Variants in MSH5 observed in about 807,000 individuals in gnomAD.
The protein encoded by MSH5 is mutS homolog 5.
Under a neutral mutation model 107.7 loss-of-function variants are expected in MSH5, and 78 were observed. The ratio of observed to expected loss-of-function variants is 0.72; its 90% confidence interval spans 0.60 to 0.87. The LOEUF is 0.87. Among genes scored for constraint, MSH5 ranks in the 40% least tolerant of loss-of-function variants. MSH5 has a pLI of 0.00. For synonymous variants in MSH5, 326 were observed against 399.5 expected, an observed-to-expected ratio of 0.82 and a Z score of 2.19; for missense variants, 889 against 1,046.6, an observed-to-expected ratio of 0.85 and a Z score of 2.08.
intron 3 of MSH5, among the ~76,000 whole-genome samples, chr6:31,742,327 G>A (rs28381350): frequency 0.017 from 2,599 of 152,172 alleles, 65 homozygotes; most frequent in East Asian, 0.11. Flanking sequence ...GTGCCATCTT[G>A]GCTCACTGCA....
rs758024890 is a variant in MSH5, at chr6:31,758,225, C to G, written c.1075C>G (p.Leu359Val). 1 of 1,613,072 alleles carries G rather than the reference C, an allele frequency of 6.2e-7. No individual in the cohort carries two copies. Among genetic ancestry groups the G allele is most frequent in the South Asian group, 1.1e-5 (1 of 91,088 alleles). Residue 359 changes from leucine (L) to valine (V), a missense_variant, in exon 13 of 25, where the codon CTC becomes GTC. Leu to Val is a conservative substitution (Grantham distance 32). Transcript: ENST00000375750. The surrounding 1 kb of genome is among the most constrained non-coding windows in gnomAD (Gnocchi z 5.1). ...CCGCTCCCTGCCGCAGTCCATCCAG[C>G]TCTTTCGGGACATTGCCCAAGAGTT... is the stretch of plus-strand genomic sequence containing the variant. ...ACRSLPQSIQLFRDIAQEFSD... is the reference protein window; with the variant it reads ...ACRSLPQSIQVFRDIAQEFSD...
In MSH5 at chr6:31,762,104, G is replaced by C. The variant is rs200812499; in HGVS notation, c.2320-8G>C. 4.2e-4 allele frequency: 677 copies of C among 1,613,914 alleles called. 1 individual carries two copies. The highest frequency in any genetic ancestry group is 2.8e-4 in the Non-Finnish European group (334 of 1,180,004). The stretch of plus-strand genomic sequence containing the variant: ...CCTTACTCCTCCCACCTTCTTGCTT[G>C]TTCCTAGGTCTCAGACTTGATCCGC... On this transcript the variant is annotated splice_region_variant and splice_polypyrimidine_tract_variant and intron_variant, in intron 23 of 24. Coordinates refer to ENST00000375750, the MANE Select transcript of MSH5 (RefSeq NM_172166.4).
At chr6:31,757,106 C>G (rs1372200668) in intron 12 of MSH5, 2 of 152,242 alleles carry the variant, frequency 1.3e-5, no homozygotes, top group African/African-American at 4.8e-5. Context: ...CCCTAACATT[C>G]TCCAAGATAG....
intron 12 of MSH5, among the ~76,000 whole-genome samples, chr6:31,755,337 CATTTATTTATTTATTTATTT>C (rs60849631): frequency 6.9e-6 from 1 of 144,924 alleles, no homozygotes; most frequent in African/African-American, 2.5e-5. Flanking sequence ...TTTTTGCTTG[CATTTATTTATTTATTTATTT>C]ATTTATTTAT....
intron 5 of MSH5, 23 bp from the exon 6 acceptor site, chr6:31,743,881 C>T (rs750334642): frequency 1.2e-6 from 2 of 1,611,644 alleles, no homozygotes; most frequent in Non-Finnish European, 1.7e-6. Context: ...AGACCGTTCC[C>T]TTTGCTTGCC....
In MSH5 at chr6:31,758,813, C is replaced by G; in HGVS notation, c.1264C>G (p.Arg422Gly). The G allele has an allele frequency of 6.2e-7, 1 of 1,614,156 alleles. No individual in the cohort carries two copies. Among genetic ancestry groups the G allele is most frequent in the Middle Eastern group, 1.7e-4 (1 of 6,060 alleles). ...GLPSFLTEVA[R>G]KELENLDSRI... is the part of the protein sequence containing the mutation. ...TCCCAGTTTCCTTACTGAGGTTGCC[C>G]GCAAGGAGCTGGAGAATCTGGACTC... Residue 422 changes from arginine to glycine, a missense_variant, in exon 15 of 25, where the codon CGC becomes GGC. Physicochemically the swap from Arg to Gly is moderately radical, Grantham distance 125 (BLOSUM62 -2). This residue lies in a region of MSH5 where 518 missense variants were observed against 565.0 expected (regional missense o/e 0.92). Transcript: ENST00000375750. This position sits in a 1 kb window ranked among gnomAD's most constrained non-coding sequence, Gnocchi z 5.1.
chr6:31,750,978 T>C (rs1809902382), intron 10 of MSH5, among the ~76,000 whole-genome samples: 1 of 152,092 alleles, frequency 6.6e-6, no homozygotes, highest in African/African-American at 2.4e-5. Context: ...AGATGAGACA[T>C]TTATTTCTGT....
rs1383953598 is a variant in MSH5 at position 31,761,991 on chromosome 6, A to G, written c.2319+36A>G. On this transcript the variant is annotated intron_variant, in intron 23 of 24. Coordinates refer to ENST00000375750, the MANE Select transcript of MSH5 (RefSeq NM_172166.4). The surrounding 1 kb of genome is among the most constrained non-coding windows in gnomAD (Gnocchi z 5.3). ...CCAAATGTGCAACCACCTCCACATCAGAGCTCCCTTTCATTCCTAGTCCTA... is the reference window on the plus strand; with the variant it reads ...CCAAATGTGCAACCACCTCCACATCGGAGCTCCCTTTCATTCCTAGTCCTA... The G allele has an allele frequency of 6.2e-7, 1 of 1,613,314 alleles. No homozygotes were observed. Among genetic ancestry groups the G allele is most frequent in the East Asian group, 2.2e-5 (1 of 44,878 alleles).
rs375240305 is a variant in MSH5, at chr6:31,759,512, G to T, written c.1495G>T (p.Asp499Tyr). 2 of 1,612,476 alleles carry T rather than the reference G, an allele frequency of 1.2e-6. No homozygotes were observed. Among genetic ancestry groups the T allele is most frequent in the Non-Finnish European group, 1.7e-6 (2 of 1,180,016 alleles). ...LLGDLHCEIR[D>Y]QETLLMYQLQ... is the part of the protein sequence containing the mutation. Reference sequence around the variant, plus strand: ...GGGGGACCTGCACTGCGAGATCCGGGGTGAGGAAAAGCCAGAGGTTATATG... The same window carrying T: ...GGGGGACCTGCACTGCGAGATCCGGTGTGAGGAAAAGCCAGAGGTTATATG... Residue 499 changes from aspartate to tyrosine, a missense_variant and splice_region_variant, in exon 17 of 25, where the codon GAC becomes TAC. Coordinates refer to ENST00000375750, the MANE Select transcript of MSH5 (RefSeq NM_172166.4). The surrounding 1 kb of genome is among the most constrained non-coding windows in gnomAD (Gnocchi z 4.7).
rs1213140077 is a variant in MSH5, at chr6:31,741,367, AC to A, written c.271+82del. The A allele has an allele frequency of 1.8e-3, 2,450 of 1,369,276 alleles. 52 individuals carry two copies. The East Asian group carries it at 0.056, about 31-fold the overall frequency. 84.8% of individuals were successfully genotyped at this position (1,369,276 alleles called of 1,614,324 possible). On this transcript the variant is annotated intron_variant, in intron 3 of 24. Coordinates refer to ENST00000375750, the MANE Select transcript of MSH5 (RefSeq NM_172166.4). ...CACACACACACACACACACACACAC[AC>A]ACACACACACACACATATTTTTTTT... is the stretch of plus-strand genomic sequence containing the variant.
intron 3 of MSH5, 92 bp from the exon 4 acceptor site, chr6:31,742,785 A>G: frequency 8.3e-7 from 1 of 1,202,984 alleles, no homozygotes; most frequent in Non-Finnish European, 1.2e-6. Flanking sequence ...TGTTTTTGAG[A>G]AGGAGAGGGG....
chr6:31,741,233 T>C lies in MSH5; in HGVS notation c.218T>C (p.Ile73Thr). ...TACTATGATACTAGTGACTCCACTA[T>C]CCACTTCATGCCAGATGCCCCAGAC... Reference protein sequence around the residue: ...IAYYDTSDSTIHFMPDAPDHE... With the variant: ...IAYYDTSDSTTHFMPDAPDHE... Residue 73 changes from isoleucine to threonine, a missense_variant, in exon 3 of 25, where the codon ATC (isoleucine) becomes ACC (threonine). Transcript: ENST00000375750. 6.2e-7 allele frequency: 1 copy of C among 1,612,948 alleles called. No homozygotes were observed. Among genetic ancestry groups the C allele is most frequent in the South Asian group, 1.1e-5 (1 of 91,076 alleles).
rs9279401 is a variant in MSH5 at position 31,741,336 on chromosome 6, TACACACACACACACACACACAC to T, written c.271+76_271+97del. 148 of 897,384 alleles carry T rather than the reference TACACACACACACACACACACAC, an allele frequency of 1.6e-4. 2 individuals are homozygous for T. Among genetic ancestry groups the T allele is most frequent in the South Asian group, 4.9e-4 (29 of 59,694 alleles). 55.6% of individuals were successfully genotyped at this position (897,384 alleles called of 1,614,324 possible). Reference sequence around the variant, plus strand: ...CTGCTCTCTGGGATTGCAGATGTGTTACACACACACACACACACACACACACACACACACACACACACACACA... The same window carrying T: ...CTGCTCTCTGGGATTGCAGATGTGTTACACACACACACACACACACACACA... On this transcript the variant is annotated intron_variant, in intron 3 of 24. Coordinates refer to ENST00000375750, the MANE Select transcript of MSH5 (RefSeq NM_172166.4).
Position 31,753,486 on chromosome 6 carries a change from C to A in MSH5, c.951+47C>A, listed in dbSNP as rs750153684. On this transcript the variant is annotated intron_variant, in intron 11 of 24. Coordinates refer to ENST00000375750, the MANE Select transcript of MSH5 (RefSeq NM_172166.4). Reference sequence around the variant, plus strand: ...GGGAGGTGGGGAAGGAGGTTGAGGGCTGATACTGGGCAGTGGGCTTCTTGA... The same window carrying A: ...GGGAGGTGGGGAAGGAGGTTGAGGGATGATACTGGGCAGTGGGCTTCTTGA... 3.7e-6 allele frequency: 6 copies of A among 1,612,712 alleles called. No homozygotes were observed. In the South Asian group the frequency reaches 6.6e-5, roughly 18 times the overall value.
intron 12 of MSH5, 124 bp downstream of exon 12, chr6:31,753,753 C>T: frequency 1.1e-6 from 1 of 882,852 alleles, no homozygotes; most frequent in Non-Finnish European, 1.8e-6. Context: ...TTTTTGGAGA[C>T]AGCCTCGCTC....
At chr6:31,750,155 A>G (rs1374780459) in intron 10 of MSH5, among the ~76,000 whole-genome samples, 1 of 152,216 alleles carries the variant, frequency 6.6e-6, no homozygotes, top group Non-Finnish European at 1.5e-5. Context: ...AGATCATATA[A>G]CTTGAAGAAT....
Position 31,758,195 on chromosome 6 carries a change from G to C in MSH5, c.1045G>C (p.Ala349Pro). The change falls in exon 13 of 25, where the codon GCC (alanine) becomes CCC (proline). Residue 349 changes from alanine to proline, a missense_variant. Transcript: ENST00000375750. The surrounding 1 kb of genome is among the most constrained non-coding windows in gnomAD (Gnocchi z 5.1). ...TVYSALGLRD[A>P]CRSLPQSIQL... is the part of the protein sequence containing the mutation. ...GTACAGTGCCCTGGGCCTGAGGGAT[G>C]CCTGCCGCTCCCTGCCGCAGTCCAT... 1 of 1,613,070 alleles carries C rather than the reference G, an allele frequency of 6.2e-7. No individual in the cohort carries two copies. Among genetic ancestry groups the C allele is most frequent in the South Asian group, 1.1e-5 (1 of 91,082 alleles).
Position 31,740,533 on chromosome 6 carries a change from G to C in MSH5, c.67G>C (p.Gly23Arg), listed in dbSNP as rs1404277828. The change falls in exon 2 of 25, where the codon GGC (glycine) becomes CGC (arginine). Residue 23 changes from glycine to arginine, a missense_variant. Coordinates refer to ENST00000375750, the MANE Select transcript of MSH5 (RefSeq NM_172166.4). The surrounding 1 kb of genome is among the most constrained non-coding windows in gnomAD (Gnocchi z 4.4). ...ACCGAGACCTGGGGCGGCCTCCTCC[G>C]GCTTCCCCAGCCCGGCCCCAGTGCC... ...QGPRPGAASS[G>R]FPSPAPVPGP... 1 of 1,543,086 alleles carries C rather than the reference G, an allele frequency of 6.5e-7. No homozygotes were observed. The highest frequency in any genetic ancestry group is 8.7e-7 in the Non-Finnish European group (1 of 1,144,116).
At position 31,758,054 on chromosome 6, in the gene MSH5, CT is replaced by C; in HGVS notation, c.1015-108del. On this transcript the variant is annotated intron_variant, in intron 12 of 24. Coordinates refer to ENST00000375750, the MANE Select transcript of MSH5 (RefSeq NM_172166.4). This position sits in a 1 kb window ranked among gnomAD's most constrained non-coding sequence, Gnocchi z 5.1. ...TCTTTTTGCCTTTGAGATCTTCCCT[CT>C]TTGTTACTGTGATCTTCCCTACTGG... The C allele has an allele frequency of 7.3e-7, 1 of 1,371,902 alleles. No homozygotes were observed. The allele number at this position is 1,371,902 out of a possible 1,614,324, so 85.0% of individuals were successfully genotyped here.
Sources: gnomAD v4.1 joint callset for allele counts (sites outside exome capture counted in the v4.1 genomes callset) on GRCh38, gnomAD v4.1.1 for gene constraint, gnomAD v4.1.1 regional missense constraint, Gnocchi (gnomAD v3.1) non-coding constraint, MANE v1.5 for transcripts, NCBI Gene and HGNC (gene_info 2026-07-23, HGNC 2026-07-21) for gene names.